The following SLC22A14 variants were observed in gnomAD, a reference collection of about 807,000 sequenced individuals.
SLC22A14 encodes the protein solute carrier family 22 member 14, also known as organic cation transporter-like 4.
Under a neutral mutation model 53.9 loss-of-function variants are expected in SLC22A14, and 50 were observed. The ratio of observed to expected loss-of-function variants is 0.93; its 90% confidence interval spans 0.74 to 1.17. The LOEUF is 1.17. Among genes scored for constraint, SLC22A14 ranks in the 50% most tolerant of loss-of-function variants. The pLI is 0.00. For missense variants in SLC22A14, 671 were observed against 734.7 expected (o/e 0.91, Z 1.00); for synonymous variants, 312 against 303.0 (o/e 1.03, Z -0.31).
intron 1 of SLC22A14, among the ~76,000 whole-genome samples, chr3:38,299,459 A>T (rs1406055769): frequency 6.6e-6 from 1 of 152,226 alleles, no homozygotes; most frequent in Non-Finnish European, 1.5e-5. Context: ...AGGGCAGCTT[A>T]CTAGAGATAC....
chr3:38,279,102 C>G (rs1703619835), upstream of SLC22A14, among the ~76,000 whole-genome samples: 1 of 152,198 alleles, frequency 6.6e-6, no homozygotes, highest in Non-Finnish European at 1.5e-5. Context: ...GATGCTGGAC[C>G]AGTTTCCTGT....
chr3:38,281,584 C>A (rs905050294), upstream of SLC22A14, among the ~76,000 whole-genome samples: 1 of 152,164 alleles, frequency 6.6e-6, no homozygotes, highest in Non-Finnish European at 1.5e-5. Flanking sequence ...ACTCATTAAC[C>A]CATTAATCTA....
upstream of SLC22A14, among the ~76,000 whole-genome samples, chr3:38,281,806 G>T (rs1367251249): frequency 6.6e-6 from 1 of 152,206 alleles, no homozygotes; most frequent in African/African-American, 2.4e-5. Context: ...ACTAGGCCCT[G>T]TGCTGGTTTT....
chr3:38,306,246 T>G lies in SLC22A14; in HGVS notation c.220T>G (p.Phe74Val). The G allele has an allele frequency of 6.2e-7, 1 of 1,614,182 alleles. No homozygotes were observed. The highest frequency in any genetic ancestry group is 8.5e-7 in the Non-Finnish European group (1 of 1,180,024). ...TFQQRLVALTFIPSIMSAFFM... is the reference protein window; with the variant it reads ...TFQQRLVALTVIPSIMSAFFM... ...CCAGCAGAGGCTAGTAGCCCTCACC[T>G]TTATCCCCAGCATCATGTCGGCCTT... The change falls in exon 2 of 11, where the codon TTT becomes GTT. Residue 74 changes from phenylalanine to valine, a missense_variant. Coordinates refer to ENST00000448498, the MANE Select transcript of SLC22A14 (RefSeq NM_001320033.2).
At chr3:38,293,670 G>A (rs757904887) in intron 1 of SLC22A14, among the ~76,000 whole-genome samples, 6 of 152,138 alleles carry the variant, frequency 3.9e-5, no homozygotes, top group African/African-American at 1.4e-4. Context: ...TAATTCACAG[G>A]CTTCTTTCTA....
At chr3:38,284,729 ATG>A (rs1451225530) in intron 1 of SLC22A14, among the ~76,000 whole-genome samples, 1 of 151,956 alleles carries the variant, frequency 6.6e-6, no homozygotes. Context: ...TGGCCTGACA[ATG>A]TGGGTGATCA....
intron 9 of SLC22A14, 127 bp downstream of exon 9, chr3:38,315,838 T>C: frequency 2.0e-6 from 2 of 992,962 alleles, no homozygotes; most frequent in South Asian, 1.5e-5. Context: ...TTTACATAAG[T>C]GATCTCATTT....
In SLC22A14 at chr3:38,316,470, C is replaced by A. The variant is rs240033; in HGVS notation, c.1679C>A (p.Pro560Gln). The A allele has an allele frequency of 6.2e-6, 10 of 1,613,742 alleles. No homozygotes were observed. The highest frequency in any genetic ancestry group is 2.7e-5 in the African/African-American group (2 of 74,812). ...IVAFSLSSLL[P>Q]ETRDQPLSES... ...GCCTTTTCCCTCTCCTCCCTGCTGC[C>A]GGAAACGCGAGATCAGCCCCTCTCC... The change falls in exon 10 of 11, where the codon CCG becomes CAG. Residue 560 changes from proline (P) to glutamine (Q), a missense_variant. Transcript: ENST00000448498.
Position 38,306,445 on chromosome 3 carries a change from A to G in SLC22A14, c.419A>G (p.Asn140Ser), listed in dbSNP as rs748502038. The G allele has an allele frequency of 3.7e-6, 6 of 1,614,214 alleles. No individual in the cohort carries two copies. In the South Asian group the frequency reaches 5.5e-5, roughly 15 times the overall value. Residue 140 changes from asparagine (N) to serine (S), a missense_variant, in exon 2 of 11, where the codon AAT (asparagine) becomes AGT (serine). Coordinates refer to ENST00000448498, the MANE Select transcript of SLC22A14 (RefSeq NM_001320033.2). ...TTCATGTACCTTCCTGTGCCTTGGAATCTGGATTCTATCATCCAGTTTGGC... is the reference window on the plus strand; with the variant it reads ...TTCATGTACCTTCCTGTGCCTTGGAGTCTGGATTCTATCATCCAGTTTGGC... ...TCFMYLPVPW[N>S]LDSIIQFGLN...
At chr3:38,293,202 G>A (rs4955403) in intron 1 of SLC22A14, among the ~76,000 whole-genome samples, 11,174 of 152,186 alleles carry the variant, frequency 0.073, 486 homozygotes, top group East Asian at 0.16. Flanking sequence ...CATAAGGGGC[G>A]TGGATGAGGG....
At chr3:38,280,878 C>T (rs993905552), upstream of SLC22A14, among the ~76,000 whole-genome samples, 1 of 152,228 alleles carries the variant, frequency 6.6e-6, no homozygotes, top group African/African-American at 2.4e-5. Context: ...GATCCGTCTG[C>T]CTCAGCCTCC....
intron 4 of SLC22A14, among the ~76,000 whole-genome samples, chr3:38,308,735 T>G (rs818821): frequency 1.3e-5 from 2 of 152,154 alleles, no homozygotes; most frequent in South Asian, 4.1e-4. Flanking sequence ...ATGGAAGCTG[T>G]GTATATGATT....
Position 38,307,498 on chromosome 3 carries a change from G to A in SLC22A14, c.621-68G>A. On this transcript the variant is annotated intron_variant, in intron 3 of 10. Coordinates refer to ENST00000448498, the MANE Select transcript of SLC22A14 (RefSeq NM_001320033.2). The surrounding 1 kb of genome is among the most constrained non-coding windows in gnomAD (Gnocchi z 4.4). ...CATGGATGGCTCAGGGCCTGGCCCA[G>A]GTGTATCCGGCTGGGGCCAGCCCGG... 6.3e-7 allele frequency: 1 copy of A among 1,597,056 alleles called. No homozygotes were observed.
Position 38,307,414 on chromosome 3 carries a change from C to T in SLC22A14, c.620+57C>T. ...AGCCATCCCAACTCCTCCTCATGGG[C>T]ATTCAGGGTTGGAGTGTGTCAGGCT... On this transcript the variant is annotated intron_variant, in intron 3 of 10. Transcript: ENST00000448498. The surrounding 1 kb of genome is among the most constrained non-coding windows in gnomAD (Gnocchi z 4.4). 3 of 1,524,776 alleles carry T rather than the reference C, an allele frequency of 2.0e-6. No homozygotes were observed. Among genetic ancestry groups the T allele is most frequent in the East Asian group, 2.3e-5 (1 of 44,412 alleles). The allele number at this position is 1,524,776 out of a possible 1,614,324, so 94.5% of individuals were successfully genotyped here.
At chr3:38,313,641 C>A in intron 7 of SLC22A14, 86 bp from the exon 8 acceptor site, 2 of 904,880 alleles carry the variant, frequency 2.2e-6, no homozygotes, top group Non-Finnish European at 3.4e-6. Context: ...CCTACCCTGA[C>A]CCTTGCTGCT....
intron 1 of SLC22A14, chr3:38,304,021 T>C (rs1414736303): frequency 6.7e-6 from 1 of 149,914 alleles, no homozygotes; most frequent in Admixed American, 6.7e-5. Context: ...ACCCCATCTC[T>C]ACTAAAAAAA....
At chr3:38,303,427 G>T (rs1704216347) in intron 1 of SLC22A14, among the ~76,000 whole-genome samples, 1 of 151,834 alleles carries the variant, frequency 6.6e-6, no homozygotes, top group South Asian at 2.1e-4. Flanking sequence ...GATATGTTAT[G>T]GTTCTTACTG....
chr3:38,308,079 T>C, intron 4 of SLC22A14: 1 of 198,428 alleles, frequency 5.0e-6, no homozygotes, highest in Non-Finnish European at 9.6e-6. Context: ...CCAAGCCCCA[T>C]GGGTTACATT....
rs377687229 is a variant in SLC22A14, at chr3:38,315,565, T to C, written c.1386T>C (p.Asp462=). ...CTCCTTCACCCACCCCAGGGGAGGA[T>C]GGCCTCAGACTCAAGTGGCCACGTT... ...LLLLFLPEGE[D]GLRLKWPRCP... Residue 462 remains aspartate (D), a synonymous_variant, in exon 9 of 11, where the codon GAT becomes GAC. Coordinates refer to ENST00000448498, the MANE Select transcript of SLC22A14 (RefSeq NM_001320033.2). 4.3e-6 allele frequency: 7 copies of C among 1,613,612 alleles called. No individual in the cohort carries two copies. Among genetic ancestry groups the C allele is most frequent in the Non-Finnish European group, 5.9e-6 (7 of 1,179,858 alleles).
Sources: gnomAD v4.1 joint callset for allele counts (sites outside exome capture counted in the v4.1 genomes callset) on GRCh38, gnomAD v4.1.1 for gene constraint, Gnocchi (gnomAD v3.1) non-coding constraint, MANE v1.5 for transcripts, NCBI Gene and HGNC (gene_info 2026-07-23, HGNC 2026-07-21) for gene names.